The following ESRRG variants were observed in gnomAD, a reference collection of about 807,000 sequenced individuals.
ESRRG encodes the protein estrogen-related receptor gamma.
ESRRG carries 13 observed loss-of-function variants against 44.0 expected under a neutral mutation model. The ratio of observed to expected loss-of-function variants is 0.30; its 90% CI spans 0.19 to 0.47. ESRRG has a LOEUF of 0.47. Among genes scored for constraint, ESRRG ranks in the 20% least tolerant of loss-of-function variants. The probability of loss-of-function intolerance (pLI) is 1.00; values close to 1 mark genes in which losing one functional copy is unlikely to be tolerated. For missense variants in ESRRG, 395 were observed against 580.6 expected (o/e 0.68, Z 3.29); for synonymous variants, 215 against 214.6 (o/e 1.00, Z -0.02).
In ESRRG at chr1:217,040,844, A is replaced by G. The variant is rs191436517; in HGVS notation, c.-106+48663T>C. 2.9e-3 allele frequency among the ~76,000 whole-genome samples: 437 copies of G among 152,238 alleles called. 6 individuals carry two copies. The South Asian group carries it at 0.032, about 11-fold the overall frequency. ...AGCTGCACAGTGGACCTCAGTAGATACTATTTGGCCTACTACTCCACTCAA... is the reference window on the plus strand; with the variant it reads ...AGCTGCACAGTGGACCTCAGTAGATGCTATTTGGCCTACTACTCCACTCAA... On this transcript the variant is annotated intron_variant, in intron 1 of 7. Coordinates refer to the ESRRG transcript ENST00000359162.
At chr1:217,122,846 T>C (rs1276447046) in intron 1 of ESRRG, among the ~76,000 whole-genome samples, 1 of 150,856 alleles carries the variant, frequency 6.6e-6, no homozygotes, top group East Asian at 1.9e-4. Context: ...AATTTTCTTT[T>C]TTCTTTTTTT....
chr1:216,683,705 C>T (rs140298796), intron 1 of ESRRG, among the ~76,000 whole-genome samples: 3 of 152,244 alleles, frequency 2.0e-5, no homozygotes, highest in East Asian at 1.9e-4. Context: ...GGCTGATCAT[C>T]GAAATAAAAG....
At chr1:216,966,260 T>C (rs993773839) in intron 1 of ESRRG, among the ~76,000 whole-genome samples, 2 of 152,184 alleles carry the variant, frequency 1.3e-5, no homozygotes, top group Non-Finnish European at 2.9e-5. Flanking sequence ...GGAAGAATCA[T>C]GTTGGAGTAT....
chr1:216,873,911 G>A (rs1304246558), intron 2 of ESRRG, among the ~76,000 whole-genome samples: 3 of 78,340 alleles, frequency 3.8e-5, no homozygotes, highest in African/African-American at 1.4e-4. Context: ...GGGAAGGGAA[G>A]GGAAGGGAAG....
intron 1 of ESRRG, among the ~76,000 whole-genome samples, chr1:217,026,932 G>C (rs1450845671): frequency 2.0e-5 from 3 of 150,170 alleles, no homozygotes. Context: ...GAGAGAGAGA[G>C]AGAGAGAGAG....
intron 5 of ESRRG, 123 bp downstream of exon 5, chr1:216,564,096 A>C: frequency 1.9e-6 from 1 of 516,972 alleles, no homozygotes; most frequent in Admixed American, 3.7e-5. Context: ...TTATGATTAA[A>C]AATAAATGTA....
intron 2 of ESRRG, among the ~76,000 whole-genome samples, chr1:216,750,047 C>T (rs978290575): frequency 7.2e-5 from 11 of 152,132 alleles, no homozygotes; most frequent in Admixed American, 2.0e-4. Flanking sequence ...ACAAAGAGGA[C>T]CACAAATGAA....
chr1:216,548,064 T>C (rs974110600), intron 5 of ESRRG, among the ~76,000 whole-genome samples: 2 of 152,056 alleles, frequency 1.3e-5, no homozygotes, highest in Non-Finnish European at 2.9e-5. Flanking sequence ...CTGGACAGTA[T>C]TTTTAAAAAT....
chr1:217,045,851 T>G lies in ESRRG; in HGVS notation c.-106+43656A>C, dbSNP rs1022692288. Among the ~76,000 whole-genome samples the G allele has an allele frequency of 9.8e-5, 15 of 152,326 alleles. No individual in the cohort carries two copies. In the South Asian group the frequency reaches 1.5e-3, roughly 15 times the overall value. ...GCACACTGTCCTTTGCTGCTATGTTTCTTTTGAAATATGTAATTTTCACAA... is the reference window on the plus strand; with the variant it reads ...GCACACTGTCCTTTGCTGCTATGTTGCTTTTGAAATATGTAATTTTCACAA... On this transcript the variant is annotated intron_variant, in intron 1 of 7. Coordinates refer to the ESRRG transcript ENST00000359162.
At position 216,833,941 on chromosome 1, in the gene ESRRG, C is replaced by G. The variant is rs533196354; in HGVS notation, c.-14+105641G>C. On this transcript the variant is annotated intron_variant, in intron 2 of 7. Transcript: ENST00000359162. ...GCAATGGCATTTAGAGTGCATTGACCATCAAAGCTGAGGTGAGACCATGAG... is the reference window on the plus strand; with the variant it reads ...GCAATGGCATTTAGAGTGCATTGACGATCAAAGCTGAGGTGAGACCATGAG... Among the ~76,000 whole-genome samples, 7 of 152,262 alleles carry G rather than the reference C, an allele frequency of 4.6e-5. No homozygotes were observed. In the East Asian group the frequency reaches 1.4e-3, roughly 29 times the overall value.
intron 2 of ESRRG, among the ~76,000 whole-genome samples, chr1:216,761,520 A>G (rs934126848): frequency 1.4e-4 from 21 of 152,168 alleles, no homozygotes; most frequent in African/African-American, 5.1e-4. Flanking sequence ...ATCTCAAATC[A>G]GAGTGGTTAC....
chr1:216,518,192 A>G (rs2044973711), intron 6 of ESRRG, among the ~76,000 whole-genome samples: 1 of 152,132 alleles, frequency 6.6e-6, no homozygotes, highest in Non-Finnish European at 1.5e-5. Context: ...TGATCGTCAC[A>G]TATGGCCCCA....
chr1:216,982,367 T>C (rs989303426), intron 1 of ESRRG, among the ~76,000 whole-genome samples: 5 of 152,196 alleles, frequency 3.3e-5, no homozygotes, highest in African/African-American at 1.2e-4. Flanking sequence ...TGGGCAATGA[T>C]AGGCCATCTG....
At chr1:216,593,998 G>T (rs1275978974) in intron 3 of ESRRG, among the ~76,000 whole-genome samples, 1 of 152,170 alleles carries the variant, frequency 6.6e-6, no homozygotes. Flanking sequence ...CTCTCAAAGT[G>T]CTGGGATTAT....
chr1:216,792,814 G>A (rs901478364), intron 2 of ESRRG, among the ~76,000 whole-genome samples: 1 of 151,876 alleles, frequency 6.6e-6, no homozygotes, highest in Non-Finnish European at 1.5e-5. Context: ...AGTTGCTTTC[G>A]ATGCCATACC....
intron 1 of ESRRG, among the ~76,000 whole-genome samples, chr1:216,678,751 A>G (rs1167907989): frequency 2.0e-5 from 3 of 152,224 alleles, no homozygotes; most frequent in Non-Finnish European, 4.4e-5. Flanking sequence ...CAAGAAAGGG[A>G]CTTAGATAAT....
chr1:216,877,084 C>A (rs1052584805), intron 2 of ESRRG, among the ~76,000 whole-genome samples: 13 of 150,584 alleles, frequency 8.6e-5, no homozygotes, highest in East Asian at 6.1e-4. Context: ...CTAATGAAAA[C>A]CTTAGTCTAG....
At chr1:217,037,717 T>A (rs1229925177) in intron 1 of ESRRG, among the ~76,000 whole-genome samples, 1 of 151,914 alleles carries the variant, frequency 6.6e-6, no homozygotes, top group Non-Finnish European at 1.5e-5. Flanking sequence ...AAGTCCACAG[T>A]CCAAAGTCTT....
intron 1 of ESRRG, among the ~76,000 whole-genome samples, chr1:217,051,298 C>T (rs1037914563): frequency 4.0e-5 from 6 of 151,158 alleles, no homozygotes; most frequent in African/African-American, 1.5e-4. Context: ...GAAGAAAGCT[C>T]CAGGCAACCT....
Sources: allele counts gnomAD v4.1 joint callset (sites outside exome capture counted in the v4.1 genomes callset), GRCh38; gene constraint gnomAD v4.1.1; transcripts MANE v1.5; gene names NCBI Gene and HGNC (gene_info 2026-07-23, HGNC 2026-07-21).